The following OR5A2 variants were observed in gnomAD, a reference collection of about 807,000 sequenced individuals.
OR5A2 encodes olfactory receptor 5A2.
For synonymous variants in OR5A2, 155 were observed against 151.1 expected, an observed-to-expected ratio of 1.03 and a Z score of -0.19; for missense variants, 406 against 398.9, an observed-to-expected ratio of 1.02 and a Z score of -0.15.
Position 59,422,567 on chromosome 11 carries a change from G to A in OR5A2, c.387C>T (p.Asn129=), listed in dbSNP as rs1427539436. ...MAYDRYAAIC[N]PLLYTVLISH... Reference sequence around the variant, plus strand: ...ATATGAGGACTGTGTAAAGCAAGGGGTTGCAGATTGCAGCATACCGGTCAT... The same window carrying A: ...ATATGAGGACTGTGTAAAGCAAGGGATTGCAGATTGCAGCATACCGGTCAT... The change falls in exon 2 of 2, where the codon AAC becomes AAT. Residue 129 remains asparagine, a synonymous_variant. Coordinates refer to ENST00000302040, the MANE Select transcript of OR5A2 (RefSeq NM_001001954.2). The A allele has an allele frequency of 6.2e-7, 1 of 1,614,202 alleles. No homozygotes were observed.
chr11:59,423,842 G>T (rs190220266), intron 1 of OR5A2: 81 of 152,180 alleles, frequency 5.3e-4, no homozygotes, highest in African/African-American at 1.8e-3. Flanking sequence ...AGGAAAGAAG[G>T]GATATGAACA....
In OR5A2 at chr11:59,423,060, A is replaced by G. The variant is rs1476480860; in HGVS notation, c.-91-16T>C. On this transcript the variant is annotated splice_polypyrimidine_tract_variant and intron_variant, in intron 1 of 1. Coordinates refer to ENST00000302040, the MANE Select transcript of OR5A2 (RefSeq NM_001001954.2). ...TGGGTATTTCCTAGAAGATCATACA[A>G]ACAGTCAGCAACAAGTTAAACTACA... 2.9e-5 allele frequency: 19 copies of G among 661,176 alleles called. No individual in the cohort carries two copies. Among genetic ancestry groups the G allele is most frequent in the Non-Finnish European group, 4.1e-5 (17 of 417,570 alleles). 41.0% of individuals were successfully genotyped at this position (661,176 alleles called of 1,614,324 possible). A position where few individuals can be genotyped will look rare whatever the true frequency, so the allele number is the denominator to read the frequency against.
At chr11:59,423,102 C>A (rs1401688923) in intron 1 of OR5A2, 58 bp from the exon 2 acceptor site, 15 of 774,980 alleles carry the variant, frequency 1.9e-5, no homozygotes, top group Non-Finnish European at 3.0e-5. Flanking sequence ...TAAAGCCCAG[C>A]CACCTGCTAG....
Position 59,421,344 on chromosome 11 carries a change from C to G in OR5A2, c.*635G>C, listed in dbSNP as rs909458383. ...GATCCACCCCCATAGATTCAAACAC[C>G]TCCCACCAGGCCCCACCTCCAGCAC... On this transcript the variant is annotated 3_prime_UTR_variant, in exon 2 of 2. Coordinates refer to ENST00000302040, the MANE Select transcript of OR5A2 (RefSeq NM_001001954.2). 1 of 152,314 alleles carries G rather than the reference C, an allele frequency of 6.6e-6. No homozygotes were observed. The highest frequency in any genetic ancestry group is 1.5e-5 in the Non-Finnish European group (1 of 68,158). The allele number at this position is 152,314 out of a possible 1,614,324, so 9.4% of individuals were successfully genotyped here. A position where few individuals can be genotyped will look rare whatever the true frequency, so the allele number is the denominator to read the frequency against.
Position 59,426,152 on chromosome 11 carries a change from G to A in OR5A2, c.-92+19C>T, listed in dbSNP as rs1308397291. ...TTGCTGCTGAATGGATGAGGTAGGA[G>A]GGAATGAGCTGGACTTACTGGATTG... On this transcript the variant is annotated intron_variant, in intron 1 of 1. Coordinates refer to ENST00000302040, the MANE Select transcript of OR5A2 (RefSeq NM_001001954.2). The A allele has an allele frequency of 6.6e-6, 1 of 152,202 alleles. No homozygotes were observed. Among genetic ancestry groups the A allele is most frequent in the Non-Finnish European group, 1.5e-5 (1 of 68,034 alleles). The allele number at this position is 152,202 out of a possible 1,614,324, so 9.4% of individuals were successfully genotyped here.
Position 59,422,380 on chromosome 11 carries a change from C to G in OR5A2, c.574G>C (p.Asp192His). 6.2e-7 allele frequency: 1 copy of G among 1,614,112 alleles called. No individual in the cohort carries two copies. The highest frequency in any genetic ancestry group is 8.5e-7 in the Non-Finnish European group (1 of 1,180,010). Reference sequence around the variant, plus strand: ...GTCACCACCTCGCTGGTGAAGGTATCAGAGCAGGACAGAGCCAGGACTGGA... The same window carrying G: ...GTCACCACCTCGCTGGTGAAGGTATGAGAGCAGGACAGAGCCAGGACTGGA... ...LPPVLALSCSDTFTSEVVTFI... is the reference protein window; with the variant it reads ...LPPVLALSCSHTFTSEVVTFI... The change falls in exon 2 of 2, where the codon GAT (aspartate) becomes CAT (histidine). Residue 192 changes from aspartate to histidine, a missense_variant. Coordinates refer to ENST00000302040, the MANE Select transcript of OR5A2 (RefSeq NM_001001954.2).
In OR5A2 at chr11:59,422,356, T is replaced by C; in HGVS notation, c.598A>G (p.Thr200Ala). 1.2e-6 allele frequency: 2 copies of C among 1,614,010 alleles called. No homozygotes were observed. The highest frequency in any genetic ancestry group is 8.5e-7 in the Non-Finnish European group (1 of 1,180,012). ...CCAACGACAACACTGACTATGAAGG[T>C]CACCACCTCGCTGGTGAAGGTATCA... ...CSDTFTSEVV[T>A]FIVSVVVGIV... Residue 200 changes from threonine (T) to alanine (A), a missense_variant, in exon 2 of 2, where the codon ACC becomes GCC. By Grantham distance (58) the Thr-to-Ala change is moderately conservative. Transcript: ENST00000302040.
chr11:59,425,935 A>G (rs1198905112), intron 1 of OR5A2: 1 of 152,218 alleles, frequency 6.6e-6, no homozygotes, highest in East Asian at 1.9e-4. Flanking sequence ...CACAAACAAT[A>G]ATCATATAAC....
In OR5A2 at chr11:59,422,910, A is replaced by C; in HGVS notation, c.44T>G (p.Leu15Arg). The C allele has an allele frequency of 6.2e-7, 1 of 1,614,134 alleles. No individual in the cohort carries two copies. The highest frequency in any genetic ancestry group is 8.5e-7 in the Non-Finnish European group (1 of 1,179,962). The change falls in exon 2 of 2, where the codon CTC becomes CGC. Residue 15 changes from leucine to arginine, a missense_variant. Leu to Arg is a moderately radical substitution (Grantham distance 102, BLOSUM62 -2). Coordinates refer to ENST00000302040, the MANE Select transcript of OR5A2 (RefSeq NM_001001954.2). Reference protein sequence around the residue: ...RNNTIVTKFILLGLSDHPQMK... With the variant: ...RNNTIVTKFIRLGLSDHPQMK... ...TTGAGGATGGTCTGAAAGTCCCAGGAGAATGAATTTTGTCACAATTGTGTT... is the reference window on the plus strand; with the variant it reads ...TTGAGGATGGTCTGAAAGTCCCAGGCGAATGAATTTTGTCACAATTGTGTT...
At position 59,426,160 on chromosome 11, in the gene OR5A2, G is replaced by A. The variant is rs1858301432; in HGVS notation, c.-92+11C>T. 1 of 152,198 alleles carries A rather than the reference G, an allele frequency of 6.6e-6. No individual in the cohort carries two copies. The highest frequency in any genetic ancestry group is 2.1e-4 in the South Asian group (1 of 4,830). 9.4% of individuals were successfully genotyped at this position (152,198 alleles called of 1,614,324 possible). On this transcript the variant is annotated intron_variant, in intron 1 of 1. Transcript: ENST00000302040. ...GAATGGATGAGGTAGGAGGGAATGA[G>A]CTGGACTTACTGGATTGCATTGGGC...
rs1454213269 is a variant in OR5A2 at position 59,422,069 on chromosome 11, A to G, written c.885T>C (p.Asn295=). Residue 295 remains asparagine, a synonymous_variant, in exon 2 of 2, where the codon AAT becomes AAC. Coordinates refer to ENST00000302040, the MANE Select transcript of OR5A2 (RefSeq NM_001001954.2). ...VVNPIIYSFR[N]KEIKNAMRKA... ...TCCTCATGGCATTTTTAATCTCCTT[A>G]TTCCTAAAACTGTAGATGATGGGAT... The G allele has an allele frequency of 5.0e-6, 8 of 1,614,066 alleles. No individual in the cohort carries two copies. Among genetic ancestry groups the G allele is most frequent in the Non-Finnish European group, 8.5e-7 (1 of 1,179,978 alleles).
In OR5A2 at chr11:59,421,554, C is replaced by G. The variant is rs1858220256; in HGVS notation, c.*425G>C. The G allele has an allele frequency of 6.1e-6, 1 of 164,004 alleles. No individual in the cohort carries two copies. Among genetic ancestry groups the G allele is most frequent in the Admixed American group, 5.7e-5 (1 of 17,582 alleles). The allele number at this position is 164,004 out of a possible 1,614,324, so 10.2% of individuals were successfully genotyped here. ...ATCTGCCCTGTGGTTTTCATGAGCT[C>G]TAAGGAAACCATTTGAGAATCTCAG... On this transcript the variant is annotated 3_prime_UTR_variant, in exon 2 of 2. Transcript: ENST00000302040.
Position 59,417,849 on chromosome 11 carries a change from A to T in OR5A2, c.*4130T>A, listed in dbSNP as rs1322894764. Reference sequence around the variant, plus strand: ...ATCACTCATTAATTCATGAGTGTGCATAATTACATGTACCTACAAAGAAAA... The same window carrying T: ...ATCACTCATTAATTCATGAGTGTGCTTAATTACATGTACCTACAAAGAAAA... On this transcript the variant is annotated 3_prime_UTR_variant, in exon 2 of 2. Coordinates refer to ENST00000302040, the MANE Select transcript of OR5A2 (RefSeq NM_001001954.2). 6.6e-6 allele frequency: 1 copy of T among 152,054 alleles called. No homozygotes were observed. The highest frequency in any genetic ancestry group is 1.5e-5 in the Non-Finnish European group (1 of 67,972). 9.4% of individuals were successfully genotyped at this position (152,054 alleles called of 1,614,324 possible). A position where few individuals can be genotyped will look rare whatever the true frequency, so the allele number is the denominator to read the frequency against.
In OR5A2 at chr11:59,417,433, A is replaced by T. The variant is rs976839090; in HGVS notation, c.*4546T>A. 2 of 152,278 alleles carry T rather than the reference A, an allele frequency of 1.3e-5. No homozygotes were observed. The highest frequency in any genetic ancestry group is 2.9e-5 in the Non-Finnish European group (2 of 68,182). The allele number at this position is 152,278 out of a possible 1,614,324, so 9.4% of individuals were successfully genotyped here. On this transcript the variant is annotated 3_prime_UTR_variant, in exon 2 of 2. Transcript: ENST00000302040. ...AACCAGCATAAGGGGAGAGAGAAAC[A>T]CAAGAAGAGAGAGGGTAGAATAAAG...
chr11:59,418,615 C>T lies in OR5A2; in HGVS notation c.*3364G>A, dbSNP rs900329532. 3 of 152,064 alleles carry T rather than the reference C, an allele frequency of 2.0e-5. No homozygotes were observed. Among genetic ancestry groups the T allele is most frequent in the Admixed American group, 1.3e-4 (2 of 15,244 alleles). 9.4% of individuals were successfully genotyped at this position (152,064 alleles called of 1,614,324 possible). On this transcript the variant is annotated 3_prime_UTR_variant, in exon 2 of 2. Coordinates refer to ENST00000302040, the MANE Select transcript of OR5A2 (RefSeq NM_001001954.2). The stretch of plus-strand genomic sequence containing the variant: ...CTGATTATATGCCCCATAATAAATA[C>T]ACTTGTTTAGGAAATATTTAACATG...
chr11:59,419,280 G>A lies in OR5A2; in HGVS notation c.*2699C>T, dbSNP rs192816969. The A allele has an allele frequency of 1.1e-3, 161 of 152,192 alleles. No individual in the cohort carries two copies. Among genetic ancestry groups the A allele is most frequent in the Middle Eastern group, 3.4e-3 (1 of 294 alleles). The allele number at this position is 152,192 out of a possible 1,614,324, so 9.4% of individuals were successfully genotyped here. ...TTGGTCTCTTTTTAACACATTACCC[G>A]GATTTTCCTTGACTTATATAAAACT... On this transcript the variant is annotated 3_prime_UTR_variant, in exon 2 of 2. Coordinates refer to ENST00000302040, the MANE Select transcript of OR5A2 (RefSeq NM_001001954.2).
chr11:59,422,525 T>C lies in OR5A2; in HGVS notation c.429A>G (p.Leu143=). 1 of 1,614,126 alleles carries C rather than the reference T, an allele frequency of 6.2e-7. No homozygotes were observed. The highest frequency in any genetic ancestry group is 8.5e-7 in the Non-Finnish European group (1 of 1,179,998). The part of the protein sequence containing the change: ...YTVLISHTLC[L]KMVVGAYVGG... ...CCACATAGGCGCCAACCACCATCTT[T>C]AAACAAAGTGTATGGGATATGAGGA... The change falls in exon 2 of 2, where the codon TTA becomes TTG. Residue 143 remains leucine, a synonymous_variant. Coordinates refer to ENST00000302040, the MANE Select transcript of OR5A2 (RefSeq NM_001001954.2).
rs911288123 is a variant in OR5A2, at chr11:59,417,137, T to A, written c.*4842A>T. The A allele has an allele frequency of 1.3e-5, 2 of 152,012 alleles. No homozygotes were observed. The highest frequency in any genetic ancestry group is 2.9e-5 in the Non-Finnish European group (2 of 67,964). 9.4% of individuals were successfully genotyped at this position (152,012 alleles called of 1,614,324 possible). A position where few individuals can be genotyped will look rare whatever the true frequency, so the allele number is the denominator to read the frequency against. ...AACGTGGCTTTGAACACAAGATGAA[T>A]TCTCTGTTTTTCTATGAGGTCTCCC... On this transcript the variant is annotated 3_prime_UTR_variant, in exon 2 of 2. Coordinates refer to ENST00000302040, the MANE Select transcript of OR5A2 (RefSeq NM_001001954.2).
Position 59,417,004 on chromosome 11 carries a change from C to T in OR5A2, c.*4975G>A, listed in dbSNP as rs557682516. On this transcript the variant is annotated 3_prime_UTR_variant, in exon 2 of 2. Transcript: ENST00000302040. The stretch of plus-strand genomic sequence containing the variant: ...GCATAAGAAAGATGTTTTATTAGAA[C>T]AAACAAGAATATACCATACAATATC... The T allele has an allele frequency of 6.6e-6, 1 of 152,168 alleles. No homozygotes were observed. Among genetic ancestry groups the T allele is most frequent in the Admixed American group, 6.6e-5 (1 of 15,260 alleles). The allele number at this position is 152,168 out of a possible 1,614,324, so 9.4% of individuals were successfully genotyped here.
Sources: gnomAD v4.1 joint callset for allele counts on GRCh38, gnomAD v4.1.1 for gene constraint, MANE v1.5 for transcripts, NCBI Gene and HGNC (gene_info 2026-07-23, HGNC 2026-07-21) for gene names.